The following SEC14L1 variants were observed in gnomAD, a reference collection of about 807,000 sequenced individuals.
The protein encoded by SEC14L1 is SEC14 like lipid binding 1.
Under a neutral mutation model 85.3 loss-of-function variants are expected in SEC14L1, and 48 were observed. The observed-to-expected ratio is 0.56, with a 90% CI of 0.45 to 0.72. SEC14L1 has a LOEUF of 0.72. Ranked by LOEUF, SEC14L1 falls within the 30% of genes least tolerant of loss-of-function variation. The pLI is 0.00. For synonymous variants in SEC14L1, 391 were observed against 355.5 expected, an observed-to-expected ratio of 1.10 and a Z score of -1.12; for missense variants, 682 against 921.4, an observed-to-expected ratio of 0.74 and a Z score of 3.36.
At position 77,099,763 on chromosome 17, in the gene SEC14L1, C is replaced by CA. The variant is rs534380209; in HGVS notation, c.-136+6424dup. On this transcript the variant is annotated intron_variant, in intron 3 of 19. Coordinates refer to the SEC14L1 transcript ENST00000392476. ...AGAGTGAGACTCTCTCAAACAAAAA[C>CA]AAAAAAAATCCTAAGGTACGTGAGT... Among the ~76,000 whole-genome samples, 221 of 151,528 alleles carry CA rather than the reference C, an allele frequency of 1.5e-3. 1 individual carries two copies. The highest frequency in any genetic ancestry group is 0.014 in the South Asian group (66 of 4,806).
Position 77,213,476 on chromosome 17 carries a change from G to T in SEC14L1, c.2026G>T (p.Gly676Cys). Residue 676 changes from glycine (G) to cysteine (C), a missense_variant, in exon 16 of 17, where the codon GGC becomes TGC. By Grantham distance (159) the Gly-to-Cys change is radical. This residue lies in a region of SEC14L1 where 420 missense variants were observed against 619.5 expected (regional missense o/e 0.68). Coordinates refer to ENST00000436233, the MANE Select transcript of SEC14L1 (RefSeq NM_001143998.2). The surrounding 1 kb of genome is among the most constrained non-coding windows in gnomAD (Gnocchi z 7.1). ...AGTGATGTACTACACCGAGGTGATC[G>T]GCTCGGAGGATTTCAGGTGCGGCCA... ...CKVMYYTEVI[G>C]SEDFRGSMTS... 1 of 1,609,278 alleles carries T rather than the reference G, an allele frequency of 6.2e-7. No homozygotes were observed.
At chr17:77,173,144 C>T (rs190352102) in intron 3 of SEC14L1, among the ~76,000 whole-genome samples, 194 of 152,282 alleles carry the variant, frequency 1.3e-3, no homozygotes, top group African/African-American at 4.5e-3. Context: ...TTGTAGGTTT[C>T]GGACCTCTGA....
intron 3 of SEC14L1, among the ~76,000 whole-genome samples, chr17:77,167,472 T>G (rs1222292511): frequency 6.6e-6 from 1 of 152,196 alleles, no homozygotes; most frequent in Non-Finnish European, 1.5e-5. Flanking sequence ...GTTTTTACCT[T>G]TGGCCAATGG....
rs758578867 is a variant in SEC14L1, at chr17:77,193,428, C to T, written c.353C>T (p.Pro118Leu). 6.3e-7 allele frequency: 1 copy of T among 1,599,286 alleles called. No individual in the cohort carries two copies. The highest frequency in any genetic ancestry group is 1.3e-5 in the African/African-American group (1 of 74,668). The part of the protein sequence containing the change: ...INEHCCYTVH[P>L]ENEDWTCFEQ... ...CTTTCTCTTTATCTGCAGGTTCACC[C>T]TGAAAATGAAGATTGGACCTGTTTT... Residue 118 changes from proline to leucine, a missense_variant, in exon 6 of 17, where the codon CCT becomes CTT. Physicochemically the swap from Pro to Leu is moderately conservative, Grantham distance 98. Transcript: ENST00000436233.
chr17:77,190,402 C>T (rs1975469400), intron 3 of SEC14L1, among the ~76,000 whole-genome samples: 2 of 152,142 alleles, frequency 1.3e-5, no homozygotes, highest in African/African-American at 2.4e-5. Context: ...ACTAGATGGT[C>T]TTGATTACTG....
In SEC14L1 at chr17:77,206,511, A is replaced by G; in HGVS notation, c.1341+111A>G. 1 of 1,337,530 alleles carries G rather than the reference A, an allele frequency of 7.5e-7. No individual in the cohort carries two copies. The allele number at this position is 1,337,530 out of a possible 1,614,324, so 82.9% of individuals were successfully genotyped here. ...GTCTTAACTTCTTAGGAAAAAAAAC[A>G]ATAACATGCAAAGATATAAAATTTC... is the stretch of plus-strand genomic sequence containing the variant. On this transcript the variant is annotated intron_variant, in intron 12 of 16. Transcript: ENST00000436233. This position sits in a 1 kb window ranked among gnomAD's most constrained non-coding sequence, Gnocchi z 4.3.
chr17:77,194,558 A>G, intron 6 of SEC14L1, 119 bp from the exon 7 acceptor site: 1 of 749,882 alleles, frequency 1.3e-6, no homozygotes, highest in Non-Finnish European at 2.2e-6. Flanking sequence ...TCTCAAAAAA[A>G]AAAAAAGATT....
At chr17:77,150,741 T>C (rs969970256) in intron 3 of SEC14L1, among the ~76,000 whole-genome samples, 2 of 152,186 alleles carry the variant, frequency 1.3e-5, no homozygotes, top group African/African-American at 4.8e-5. Context: ...GGGGCACAGG[T>C]CCTGCTTTGC....
At chr17:77,105,373 A>C (rs925120261) in intron 3 of SEC14L1, among the ~76,000 whole-genome samples, 3,295 of 82,214 alleles carry the variant, frequency 0.04, 1 homozygote, top group Admixed American at 0.048. Context: ...CTCGCTGACC[A>C]CCCCCCCCCC....
intron 3 of SEC14L1, among the ~76,000 whole-genome samples, chr17:77,173,237 T>C (rs1453148601): frequency 6.6e-6 from 1 of 151,960 alleles, no homozygotes; most frequent in Non-Finnish European, 1.5e-5. Flanking sequence ...TTAGAAGTGG[T>C]GGGGAAAGGG....
chr17:77,149,809 G>A (rs1567895019), intron 3 of SEC14L1, among the ~76,000 whole-genome samples: 2 of 151,552 alleles, frequency 1.3e-5, no homozygotes, highest in Non-Finnish European at 2.9e-5. Context: ...TTAACCAGTG[G>A]GTCACCTGGG....
intron 15 of SEC14L1, 100 bp downstream of exon 15, chr17:77,212,301 T>C: frequency 6.6e-7 from 1 of 1,504,000 alleles, no homozygotes; most frequent in Admixed American, 2.1e-5. Flanking sequence ...AGCAGCCCTG[T>C]GTAGCTTTTG....
Position 77,096,772 on chromosome 17 carries a change from C to T in SEC14L1, c.-136+3425C>T, listed in dbSNP as rs1400746688. ...GTAATTTAGCCAAGACTTTCTGTGA[C>T]CAAAAAGTTATGTCTGTTGTAACTT... is the stretch of plus-strand genomic sequence containing the variant. On this transcript the variant is annotated intron_variant, in intron 3 of 19. Transcript: ENST00000392476. Among the ~76,000 whole-genome samples the T allele has an allele frequency of 7.9e-5, 12 of 152,052 alleles. No individual in the cohort carries two copies. In the East Asian group the frequency reaches 2.1e-3, roughly 27 times the overall value.
chr17:77,128,374 G>T (rs1398344125), intron 3 of SEC14L1, among the ~76,000 whole-genome samples: 1 of 150,922 alleles, frequency 6.6e-6, no homozygotes, highest in African/African-American at 2.4e-5. Flanking sequence ...GACAAGTTAT[G>T]CATTCACACT....
At position 77,131,333 on chromosome 17, in the gene SEC14L1, G is replaced by T. The variant is rs749578468; in HGVS notation, c.-135-11313G>T. Among the ~76,000 whole-genome samples, 4 of 152,154 alleles carry T rather than the reference G, an allele frequency of 2.6e-5. No individual in the cohort carries two copies. In the South Asian group the frequency reaches 8.3e-4, roughly 32 times the overall value. On this transcript the variant is annotated intron_variant, in intron 3 of 19. Transcript: ENST00000392476. ...TGCCCAGGCTGGAGTGCAATGGCGC[G>T]GTCTTGGCTCACTGCAACCTCTGCC... is the stretch of plus-strand genomic sequence containing the variant.
At chr17:77,159,723 C>T (rs994271507) in intron 3 of SEC14L1, among the ~76,000 whole-genome samples, 1 of 152,128 alleles carries the variant, frequency 6.6e-6, no homozygotes, top group Non-Finnish European at 1.5e-5. Flanking sequence ...AAGACAAGTT[C>T]CTTGAGGAAT....
At chr17:77,136,174 C>T (rs1972792036), upstream of SEC14L1, among the ~76,000 whole-genome samples, 2 of 151,146 alleles carry the variant, frequency 1.3e-5, no homozygotes, top group Admixed American at 1.3e-4. Flanking sequence ...TGCGCCTGGC[C>T]CCTTCTCTTT....
At chr17:77,132,668 G>C (rs1972648413) in intron 3 of SEC14L1, among the ~76,000 whole-genome samples, 1 of 152,230 alleles carries the variant, frequency 6.6e-6, no homozygotes, top group South Asian at 2.1e-4. Context: ...GCACAGCCTA[G>C]ATAATTAGCT....
chr17:77,212,359 A>C (rs969632972), intron 15 of SEC14L1, among the ~76,000 whole-genome samples, 158 bp downstream of exon 15: 1 of 152,146 alleles, frequency 6.6e-6, no homozygotes, highest in Admixed American at 6.5e-5. Flanking sequence ...CAGGAAGCCA[A>C]GTGGGTCTCG....
Sources: gnomAD v4.1 joint callset for allele counts (sites outside exome capture counted in the v4.1 genomes callset) on GRCh38, gnomAD v4.1.1 for gene constraint, gnomAD v4.1.1 regional missense constraint, Gnocchi (gnomAD v3.1) non-coding constraint, MANE v1.5 for transcripts, NCBI Gene and HGNC (gene_info 2026-07-23, HGNC 2026-07-21) for gene names.